Variants in RAB31 observed in about 807,000 individuals in gnomAD.
RAB31 encodes the protein ras-related protein Rab-31.
A neutral mutation model predicts 25.6 loss-of-function variants in RAB31; 21 were observed. The observed-to-expected ratio is 0.82, with a 90% CI of 0.58 to 1.18. The LOEUF (loss-of-function observed/expected upper bound fraction) is 1.18. Among genes scored for constraint, RAB31 ranks in the 50% most tolerant of loss-of-function variants. RAB31 has a pLI of 0.00. For synonymous variants in RAB31, 87 were observed against 84.0 expected, an observed-to-expected ratio of 1.04 and a Z score of -0.20; for missense variants, 196 against 250.1, an observed-to-expected ratio of 0.78 and a Z score of 1.46.
chr18:9,768,193 G>T (rs2068326090), intron 1 of RAB31, among the ~76,000 whole-genome samples: 1 of 152,164 alleles, frequency 6.6e-6, no homozygotes, highest in South Asian at 2.1e-4. Context: ...ATAGTAGAAT[G>T]ATTTATAATC....
intron 1 of RAB31, among the ~76,000 whole-genome samples, chr18:9,769,260 C>A (rs1044682534): frequency 6.6e-6 from 1 of 152,132 alleles, no homozygotes; most frequent in African/African-American, 2.4e-5. Context: ...ATGGGGATAG[C>A]ATTGAATCTA....
At chr18:9,819,317 G>A (rs1403272941) in intron 5 of RAB31, among the ~76,000 whole-genome samples, 3 of 152,124 alleles carry the variant, frequency 2.0e-5, no homozygotes, top group African/African-American at 4.8e-5. Context: ...ACCAGTTGTT[G>A]AAGAGATGGT....
chr18:9,834,420 A>G (rs1487231421), intron 5 of RAB31, among the ~76,000 whole-genome samples: 3 of 152,106 alleles, frequency 2.0e-5, no homozygotes, highest in African/African-American at 7.2e-5. Context: ...CCAGCCCAGT[A>G]TGCAGCCTTT....
At chr18:9,716,146 G>T (rs1326300195) in intron 1 of RAB31, among the ~76,000 whole-genome samples, 1 of 152,124 alleles carries the variant, frequency 6.6e-6, no homozygotes, top group Non-Finnish European at 1.5e-5. Flanking sequence ...ATCTAAAACA[G>T]TTCCCCTTCT....
chr18:9,800,298 T>C (rs751951120), intron 3 of RAB31, among the ~76,000 whole-genome samples: 63 of 152,186 alleles, frequency 4.1e-4, no homozygotes, highest in Non-Finnish European at 7.4e-4. Flanking sequence ...TCTTCCAACC[T>C]GAAACTTTCT....
intron 3 of RAB31, among the ~76,000 whole-genome samples, chr18:9,800,046 G>A (rs928595221): frequency 6.6e-6 from 1 of 152,206 alleles, no homozygotes; most frequent in South Asian, 2.1e-4. Flanking sequence ...ACCTTTGCAA[G>A]GATGTACACA....
In RAB31 at chr18:9,719,008, G is replaced by C. The variant is rs190493108; in HGVS notation, c.39+10564G>C. ...TTGAAGGCCAGGCATGGTGACTCAC[G>C]CCTGTAATCCCAGCACTTTGGGAAG... On this transcript the variant is annotated intron_variant, in intron 1 of 6. Transcript: ENST00000578921. 3.0e-3 allele frequency among the ~76,000 whole-genome samples: 450 copies of C among 151,912 alleles called. 4 individuals are homozygous for C. The highest frequency in any genetic ancestry group is 0.01 in the African/African-American group (428 of 41,394).
At chr18:9,724,680 G>T (rs2068089346) in intron 1 of RAB31, among the ~76,000 whole-genome samples, 1 of 152,196 alleles carries the variant, frequency 6.6e-6, no homozygotes, top group Admixed American at 6.5e-5. Context: ...TTTCTTTTAA[G>T]GAAGCGCTTC....
chr18:9,818,600 A>C (rs1184856516), intron 5 of RAB31, among the ~76,000 whole-genome samples: 1 of 152,180 alleles, frequency 6.6e-6, no homozygotes, highest in Non-Finnish European at 1.5e-5. Context: ...TTAACATTTG[A>C]ATTATTTCTA....
At position 9,855,699 on chromosome 18, in the gene RAB31, C is replaced by T. The variant is rs540927890; in HGVS notation, c.491-3529C>T. On this transcript the variant is annotated intron_variant, in intron 6 of 6. Coordinates refer to ENST00000578921, the MANE Select transcript of RAB31 (RefSeq NM_006868.4). ...AAGGTGCCGGCCTCATTGTTATGAT[C>T]TGGCTTTTCTCTTTCTCTGCGTGGA... Among the ~76,000 whole-genome samples the T allele has an allele frequency of 3.3e-5, 5 of 152,278 alleles. No homozygotes were observed. The East Asian group carries it at 5.8e-4, about 18-fold the overall frequency.
rs2068845337 is a variant in RAB31, at chr18:9,861,121, AAT to A, written c.*1797_*1798del. 6.6e-6 allele frequency: 1 copy of A among 151,224 alleles called. No individual in the cohort carries two copies. The highest frequency in any genetic ancestry group is 2.0e-4 in the East Asian group (1 of 5,118). 9.4% of individuals were successfully genotyped at this position (151,224 alleles called of 1,614,324 possible). ...CCAAAGGTAAAAAAAAAAAAAAAAA[AAT>A]GAGTTGAAAATTGAAGTGACCTCTT... On this transcript the variant is annotated 3_prime_UTR_variant, in exon 7 of 7. Coordinates refer to ENST00000578921, the MANE Select transcript of RAB31 (RefSeq NM_006868.4).
intron 5 of RAB31, among the ~76,000 whole-genome samples, chr18:9,829,404 C>T (rs1305877846): frequency 6.6e-6 from 1 of 152,236 alleles, no homozygotes; most frequent in African/African-American, 2.4e-5. Context: ...TCTACATATT[C>T]ATTGCTGTCT....
chr18:9,844,275 GC>G (rs1314991844), intron 5 of RAB31, among the ~76,000 whole-genome samples: 3 of 152,018 alleles, frequency 2.0e-5, no homozygotes, highest in Non-Finnish European at 4.4e-5. Context: ...CTCCATTCGG[GC>G]CCGTGTCATT....
At chr18:9,718,536 G>A (rs751174844) in intron 1 of RAB31, among the ~76,000 whole-genome samples, 3 of 152,188 alleles carry the variant, frequency 2.0e-5, no homozygotes, top group Non-Finnish European at 4.4e-5. Context: ...TGGGATTACA[G>A]GCATGAGCCA....
At chr18:9,775,957 T>G (rs1200625689) in intron 2 of RAB31, among the ~76,000 whole-genome samples, 4 of 152,038 alleles carry the variant, frequency 2.6e-5, no homozygotes, top group African/African-American at 9.7e-5. Flanking sequence ...CCTGGCTATT[T>G]TTTTGTATTT....
At chr18:9,825,938 G>T (rs546774378) in intron 5 of RAB31, among the ~76,000 whole-genome samples, 1 of 152,276 alleles carries the variant, frequency 6.6e-6, no homozygotes, top group Middle Eastern at 3.4e-3. Context: ...AGCTTCAGAG[G>T]CAGGAAGGAG....
At position 9,741,646 on chromosome 18, in the gene RAB31, A is replaced by C. The variant is rs565864804; in HGVS notation, c.39+33202A>C. The stretch of plus-strand genomic sequence containing the variant: ...TGCCAGCCTCTCTCAGCCTGTGTGC[A>C]GCACGTACATGTCCATGGCAGCCCT... On this transcript the variant is annotated intron_variant, in intron 1 of 6. Transcript: ENST00000578921. Among the ~76,000 whole-genome samples, 369 of 152,262 alleles carry C rather than the reference A, an allele frequency of 2.4e-3. 2 individuals are homozygous for C. Among genetic ancestry groups the C allele is most frequent in the African/African-American group, 8.6e-3 (359 of 41,568 alleles).
intron 2 of RAB31, among the ~76,000 whole-genome samples, chr18:9,785,946 A>G (rs1568178628): frequency 6.6e-6 from 1 of 152,148 alleles, no homozygotes; most frequent in East Asian, 1.9e-4. Context: ...CTGTAATCCC[A>G]GCTACTCAGG....
chr18:9,737,158 C>T (rs908428031), intron 1 of RAB31, among the ~76,000 whole-genome samples: 1 of 152,084 alleles, frequency 6.6e-6, no homozygotes, highest in Admixed American at 6.5e-5. Flanking sequence ...AAGGTCAAGC[C>T]CATAAAAATT....
Sources: allele counts gnomAD v4.1 joint callset (sites outside exome capture counted in the v4.1 genomes callset), GRCh38; gene constraint gnomAD v4.1.1; transcripts MANE v1.5; gene names NCBI Gene and HGNC (gene_info 2026-07-23, HGNC 2026-07-21).